KCNQ3: variants seen among roughly 807,000 people sequenced by gnomAD.
The protein encoded by KCNQ3 is potassium voltage-gated channel subfamily KQT member 3.
In KCNQ3, 30 loss-of-function variants were observed where a neutral mutation model predicts 92.5. The ratio of observed to expected loss-of-function variants is 0.32; its 90% CI spans 0.24 to 0.44. KCNQ3 has a LOEUF of 0.44. Ranked by LOEUF, KCNQ3 falls within the 20% of genes least tolerant of loss-of-function variation. The pLI, the probability that KCNQ3 is intolerant of heterozygous loss-of-function variation, is 1.00. For missense variants in KCNQ3, 913 were observed against 1,140.3 expected (o/e 0.80, Z 2.87); for synonymous variants, 450 against 468.8 (o/e 0.96, Z 0.52).
At chr8:132,144,630 T>C (rs1270612479) in intron 9 of KCNQ3, among the ~76,000 whole-genome samples, 2 of 152,230 alleles carry the variant, frequency 1.3e-5, no homozygotes, top group African/African-American at 4.8e-5. Context: ...TGTTCTATCC[T>C]GGACAATATG....
At chr8:132,415,442 A>G (rs1395371613) in intron 1 of KCNQ3, among the ~76,000 whole-genome samples, 1 of 152,156 alleles carries the variant, frequency 6.6e-6, no homozygotes, top group East Asian at 1.9e-4. Flanking sequence ...GAGCTCTCTG[A>G]CTGCAGGAGC....
chr8:132,197,078 C>G (rs1827321739), intron 1 of KCNQ3, among the ~76,000 whole-genome samples: 1 of 150,272 alleles, frequency 6.7e-6, no homozygotes, highest in South Asian at 2.1e-4. Flanking sequence ...AGCAAATCAA[C>G]TAAAAATTTG....
At chr8:132,163,407 A>C in intron 9 of KCNQ3, 61 bp downstream of exon 9, 1 of 1,407,182 alleles carries the variant, frequency 7.1e-7, no homozygotes, top group East Asian at 2.3e-5. Flanking sequence ...CACCATATGG[A>C]GCAGGATGCT....
chr8:132,340,220 G>A (rs6999714), intron 1 of KCNQ3, among the ~76,000 whole-genome samples: 3,644 of 152,212 alleles, frequency 0.024, 60 homozygotes, highest in African/African-American at 0.04. Context: ...TCAAGGATCT[G>A]GAACCAGAAA....
intron 1 of KCNQ3, 132 bp from the exon 2 acceptor site, chr8:132,186,313 T>A (rs1406766178): frequency 1.4e-6 from 1 of 696,068 alleles, no homozygotes; most frequent in African/African-American, 1.8e-5. Flanking sequence ...TTATATGCTA[T>A]CCCATTCAAT....
intron 1 of KCNQ3, among the ~76,000 whole-genome samples, chr8:132,413,689 G>A (rs1055678576): frequency 4.6e-5 from 7 of 152,316 alleles, no homozygotes; most frequent in Admixed American, 2.0e-4. Context: ...CAAGGACACC[G>A]CAAGATGGAA....
intron 9 of KCNQ3, among the ~76,000 whole-genome samples, chr8:132,150,667 C>T (rs964941474): frequency 1.4e-4 from 21 of 151,840 alleles, no homozygotes; most frequent in African/African-American, 5.1e-4. Flanking sequence ...CCATTTTTGC[C>T]TTGCCACTTT....
At chr8:132,254,651 G>A (rs756952153) in intron 1 of KCNQ3, among the ~76,000 whole-genome samples, 5 of 152,172 alleles carry the variant, frequency 3.3e-5, no homozygotes, top group African/African-American at 4.8e-5. Context: ...AGAGGCCAAG[G>A]CAGGATCACT....
At chr8:132,434,225 A>T (rs13281459) in intron 1 of KCNQ3, among the ~76,000 whole-genome samples, 89,960 of 136,070 alleles carry the variant, frequency 0.66, 30,016 homozygotes, top group Non-Finnish European at 0.7. Flanking sequence ...AAAAAAAAAA[A>T]AATAATAATA....
chr8:132,320,207 G>A (rs1462903807), intron 1 of KCNQ3, among the ~76,000 whole-genome samples: 1 of 152,168 alleles, frequency 6.6e-6, no homozygotes, highest in Non-Finnish European at 1.5e-5. Context: ...TGTGGGCTCT[G>A]GAGGCCAAAT....
At chr8:132,137,273 A>G (rs899192920) in intron 12 of KCNQ3, among the ~76,000 whole-genome samples, 1 of 152,148 alleles carries the variant, frequency 6.6e-6, no homozygotes, top group Non-Finnish European at 1.5e-5. Context: ...GAGACTTTCT[A>G]ATCAGTTGGA....
At chr8:132,270,170 C>T (rs964023982) in intron 1 of KCNQ3, among the ~76,000 whole-genome samples, 2 of 151,796 alleles carry the variant, frequency 1.3e-5, no homozygotes, top group African/African-American at 4.8e-5. Context: ...TTCAGCTTTG[C>T]CAAAGTAATC....
At chr8:132,180,605 A>T (rs1325883549) in intron 3 of KCNQ3, among the ~76,000 whole-genome samples, 1 of 152,160 alleles carries the variant, frequency 6.6e-6, no homozygotes, top group Non-Finnish European at 1.5e-5. Context: ...TGCTGGCTCC[A>T]GAGCAGCAAT....
chr8:132,139,616 T>G (rs1314874217), intron 11 of KCNQ3, among the ~76,000 whole-genome samples: 1 of 152,236 alleles, frequency 6.6e-6, no homozygotes, highest in Non-Finnish European at 1.5e-5. Context: ...GATTATGGTC[T>G]CTGCTGATAC....
intron 9 of KCNQ3, among the ~76,000 whole-genome samples, chr8:132,144,350 C>T (rs1364889866): frequency 6.6e-6 from 1 of 152,148 alleles, no homozygotes; most frequent in East Asian, 1.9e-4. Flanking sequence ...AATCCAAGAC[C>T]CCAAAGGATA....
At chr8:132,351,095 G>A (rs1818850899) in intron 1 of KCNQ3, among the ~76,000 whole-genome samples, 1 of 151,996 alleles carries the variant, frequency 6.6e-6, no homozygotes, top group African/African-American at 2.4e-5. Context: ...CACAGTGACA[G>A]ATCCCATTAA....
rs551667112 is a variant in KCNQ3 at position 132,174,363 on chromosome 8, A to G, written c.934-14T>C. ...GGCCAGTGTGATCTGAAGAGAGAAG[A>G]GTTCAGACATGGAGTACCACATGGA... On this transcript the variant is annotated splice_polypyrimidine_tract_variant and intron_variant, in intron 5 of 14. Coordinates refer to ENST00000388996, the MANE Select transcript of KCNQ3 (RefSeq NM_004519.4). The G allele has an allele frequency of 2.0e-6, 3 of 1,526,760 alleles. No individual in the cohort carries two copies. Among genetic ancestry groups the G allele is most frequent in the Non-Finnish European group, 2.7e-6 (3 of 1,124,272 alleles). The allele number at this position is 1,526,760 out of a possible 1,614,324, so 94.6% of individuals were successfully genotyped here. A position where few individuals can be genotyped will look rare whatever the true frequency, so the allele number is the denominator to read the frequency against.
At chr8:132,186,960 G>GAGAGAC (rs1554629038) in intron 1 of KCNQ3, among the ~76,000 whole-genome samples, 125 of 134,082 alleles carry the variant, frequency 9.3e-4, no homozygotes, top group African/African-American at 3.6e-3. Context: ...GAGAGACAGA[G>GAGAGAC]AGAGAGAGAG....
intron 1 of KCNQ3, among the ~76,000 whole-genome samples, chr8:132,470,177 A>G (rs1028354352): frequency 6.6e-6 from 1 of 152,170 alleles, no homozygotes; most frequent in Admixed American, 6.5e-5. Context: ...TGAATCCAAG[A>G]AAACCCATTC....
Sources: gnomAD v4.1 joint callset for allele counts (sites outside exome capture counted in the v4.1 genomes callset) on GRCh38, gnomAD v4.1.1 for gene constraint, MANE v1.5 for transcripts, NCBI Gene and HGNC (gene_info 2026-07-23, HGNC 2026-07-21) for gene names.